GRIN2D: variants seen among roughly 807,000 people sequenced by gnomAD.
The protein encoded by GRIN2D is glutamate ionotropic receptor NMDA type subunit 2D.
Under a neutral mutation model 103.2 loss-of-function variants are expected in GRIN2D, and 37 were observed. The ratio of observed to expected loss-of-function variants is 0.36; its 90% CI spans 0.28 to 0.47. The LOEUF (loss-of-function observed/expected upper bound fraction) is 0.47, where lower values mean the gene tolerates loss of function less well. GRIN2D is among the 20% of genes least tolerant of loss of function. GRIN2D has a pLI of 1.00. For synonymous variants in GRIN2D, 845 were observed against 885.6 expected (o/e 0.95, Z 0.81); for missense variants, 1,557 against 1,910.6 (o/e 0.81, Z 3.45).
intron 4 of GRIN2D, among the ~76,000 whole-genome samples, chr19:48,409,444 AT>A (rs1410003959): frequency 5.9e-5 from 9 of 151,678 alleles, no homozygotes; most frequent in African/African-American, 2.2e-4. Context: ...CACCTGGCTA[AT>A]TTTTGTATTT....
At chr19:48,436,611 A>G (rs1221665817) in intron 11 of GRIN2D, among the ~76,000 whole-genome samples, 2 of 152,250 alleles carry the variant, frequency 1.3e-5, no homozygotes, top group Non-Finnish European at 2.9e-5. Flanking sequence ...GAGTCAAACC[A>G]TGAACAGAAT....
intron 7 of GRIN2D, 64 bp downstream of exon 7, chr19:48,415,096 C>A (rs1050551942): frequency 4.9e-6 from 7 of 1,421,164 alleles, no homozygotes; most frequent in African/African-American, 1.4e-5. Context: ...CACAGCCGGG[C>A]GTGGTGGCTC....
intron 7 of GRIN2D, 136 bp downstream of exon 7, chr19:48,415,168 C>T: frequency 2.6e-6 from 2 of 780,832 alleles, no homozygotes; most frequent in Admixed American, 3.1e-5. Flanking sequence ...CTCAGGGGTT[C>T]GAGACCAGTT....
intron 3 of GRIN2D, among the ~76,000 whole-genome samples, chr19:48,402,711 A>G (rs375215837): frequency 3.0e-5 from 4 of 135,232 alleles, no homozygotes; most frequent in African/African-American, 1.2e-4. Flanking sequence ...GCGACAGAGC[A>G]AGACTCCGTC....
At position 48,444,649 on chromosome 19, in the gene GRIN2D, A is replaced by T. The variant is rs548486384; in HGVS notation, c.*712A>T. The T allele has an allele frequency of 2.6e-5, 4 of 152,470 alleles. No homozygotes were observed. In the South Asian group the frequency reaches 8.2e-4, roughly 31 times the overall value. The allele number at this position is 152,470 out of a possible 1,614,324, so 9.4% of individuals were successfully genotyped here. A position where few individuals can be genotyped will look rare whatever the true frequency, so the allele number is the denominator to read the frequency against. ...CCCCGCCTTCCCTTGCACCGCGATG[A>T]ACCCAACCTCCCTGAAGCCAAAACT... On this transcript the variant is annotated 3_prime_UTR_variant, in exon 14 of 14. Transcript: ENST00000263269. The surrounding 1 kb of genome is among the most constrained non-coding windows in gnomAD (Gnocchi z 5.5).
intron 11 of GRIN2D, among the ~76,000 whole-genome samples, chr19:48,431,506 C>G (rs535449245): frequency 1.3e-5 from 2 of 151,914 alleles, no homozygotes; most frequent in African/African-American, 4.8e-5. Context: ...ATTCCTATGC[C>G]TTTGTATGTA....
chr19:48,412,414 G>A lies in GRIN2D; in HGVS notation c.1086-1577G>A, dbSNP rs1425181796. ...AAGAGAAAGAAAAGAAAGAAAGAAA[G>A]AGAAAGAAAAGAAAGAAAGAAAGAA... On this transcript the variant is annotated intron_variant, in intron 4 of 13. Coordinates refer to ENST00000263269, the MANE Select transcript of GRIN2D (RefSeq NM_000836.4). Among the ~76,000 whole-genome samples the A allele has an allele frequency of 2.8e-4, 33 of 115,912 alleles. No homozygotes were observed. The East Asian group carries it at 8.7e-3, about 30-fold the overall frequency. The allele number at this position is 115,912 out of a possible 152,430, so 76.0% of individuals were successfully genotyped here.
Position 48,405,103 on chromosome 19 carries a change from C to T in GRIN2D, c.835C>T (p.Leu279=). The T allele has an allele frequency of 6.3e-7, 1 of 1,594,130 alleles. No homozygotes were observed. The highest frequency in any genetic ancestry group is 1.3e-5 in the African/African-American group (1 of 74,540). The change falls in exon 4 of 14, where the codon CTG becomes TTG. Residue 279 remains leucine (L), a synonymous_variant. Transcript: ENST00000263269. This position sits in a 1 kb window ranked among gnomAD's most constrained non-coding sequence, Gnocchi z 5.1. ...GYVWFMVGPQ[L]AGGGGSGAPG... ...CGTCTGGTTCATGGTGGGGCCCCAG[C>T]TGGCTGGAGGCGGGGGCTCTGGGGC...
chr19:48,431,585 C>CTTT (rs1377100099), intron 11 of GRIN2D, among the ~76,000 whole-genome samples: 2 of 140,276 alleles, frequency 1.4e-5, no homozygotes, highest in East Asian at 2.0e-4. Context: ...ATCTGTTTCC[C>CTTT]TTTTTTTTTT....
chr19:48,395,766 T>C (rs2147430786), intron 2 of GRIN2D, among the ~76,000 whole-genome samples: 2 of 151,760 alleles, frequency 1.3e-5, no homozygotes, highest in Middle Eastern at 3.4e-3. Context: ...TTGGGAAGGA[T>C]AGGGTTTGAA....
chr19:48,414,468 C>G lies in GRIN2D; in HGVS notation c.1296C>G (p.Leu432=). 6.2e-7 allele frequency: 1 copy of G among 1,603,052 alleles called. No individual in the cohort carries two copies. The highest frequency in any genetic ancestry group is 8.5e-7 in the Non-Finnish European group (1 of 1,174,980). ...FLQPVDDTQH[L]TVATLEERPF... ...AGCCAGTGGACGACACGCAGCACCT[C>G]ACGGTGGCCACGCTGGAGGAAAGGC... The change falls in exon 6 of 14, where the codon CTC becomes CTG. Residue 432 remains leucine, a synonymous_variant. Coordinates refer to ENST00000263269, the MANE Select transcript of GRIN2D (RefSeq NM_000836.4). This position sits in a 1 kb window ranked among gnomAD's most constrained non-coding sequence, Gnocchi z 4.6.
intron 11 of GRIN2D, among the ~76,000 whole-genome samples, chr19:48,430,082 C>T (rs1046392630): frequency 6.6e-6 from 1 of 152,230 alleles, no homozygotes; most frequent in East Asian, 1.9e-4. Context: ...CAGCCTCCCA[C>T]ATTGTGACTC....
chr19:48,407,594 G>A (rs1340152581), intron 4 of GRIN2D, among the ~76,000 whole-genome samples: 1 of 152,178 alleles, frequency 6.6e-6, no homozygotes, highest in East Asian at 1.9e-4. Context: ...CCTGAGGGAT[G>A]AATTGCTCAT....
intron 7 of GRIN2D, 97 bp from the exon 8 acceptor site, chr19:48,415,905 C>T: frequency 1.8e-6 from 2 of 1,103,346 alleles, no homozygotes; most frequent in Non-Finnish European, 2.7e-6. Context: ...CACCCTGTCA[C>T]TGGTCTGCTC....
At chr19:48,415,058 A>C (rs772146596) in intron 7 of GRIN2D, 26 bp downstream of exon 7, 1 of 1,554,064 alleles carries the variant, frequency 6.4e-7, no homozygotes, top group Non-Finnish European at 8.7e-7. Context: ...GGAGGCGGGG[A>C]ATCTTCGGGG....
intron 2 of GRIN2D, among the ~76,000 whole-genome samples, chr19:48,395,516 A>AG (rs900369173): frequency 4.0e-5 from 6 of 151,486 alleles, no homozygotes; most frequent in Non-Finnish European, 7.4e-5. Flanking sequence ...TTGGGAGGTG[A>AG]GGGGGGAGGA....
chr19:48,441,476 G>A (rs1413009162), intron 11 of GRIN2D, among the ~76,000 whole-genome samples: 1 of 152,150 alleles, frequency 6.6e-6, no homozygotes, highest in Non-Finnish European at 1.5e-5. Context: ...TACTGGGGAG[G>A]CTGAGATAGG....
chr19:48,420,200 G>C (rs1035937909), intron 10 of GRIN2D, among the ~76,000 whole-genome samples: 1 of 151,954 alleles, frequency 6.6e-6, no homozygotes, highest in Non-Finnish European at 1.5e-5. Context: ...AGGCCGAGGC[G>C]GGCGGATCAC....
chr19:48,415,996 C>T lies in GRIN2D; in HGVS notation c.1582-6C>T, dbSNP rs1364374968. On this transcript the variant is annotated splice_polypyrimidine_tract_variant and splice_region_variant and intron_variant, in intron 7 of 13. Coordinates refer to ENST00000263269, the MANE Select transcript of GRIN2D (RefSeq NM_000836.4). ...CCCCGCCCACTCCTCATCGCCCCCACCCCAGGTGTTCTACCAGCGCGCAGA... is the reference window on the plus strand; with the variant it reads ...CCCCGCCCACTCCTCATCGCCCCCATCCCAGGTGTTCTACCAGCGCGCAGA... 5 of 1,612,292 alleles carry T rather than the reference C, an allele frequency of 3.1e-6. No homozygotes were observed. Among genetic ancestry groups the T allele is most frequent in the Non-Finnish European group, 4.2e-6 (5 of 1,179,186 alleles).
Sources: gnomAD v4.1 joint callset for allele counts (sites outside exome capture counted in the v4.1 genomes callset) on GRCh38, gnomAD v4.1.1 for gene constraint, Gnocchi (gnomAD v3.1) non-coding constraint, MANE v1.5 for transcripts, NCBI Gene and HGNC (gene_info 2026-07-23, HGNC 2026-07-21) for gene names.